Variants in RIF1 observed in about 807,000 individuals in gnomAD.
RIF1 encodes replication timing regulatory factor 1, also known as telomere-associated protein RIF1.
A neutral mutation model predicts 247.1 loss-of-function variants in RIF1; 45 were observed. The ratio of observed to expected loss-of-function variants is 0.18; its 90% CI spans 0.14 to 0.23. The LOEUF is 0.23. RIF1 is among the 10% of genes least tolerant of loss of function. The pLI is 1.00. For missense variants in RIF1, 2,967 were observed against 2,862.5 expected (o/e 1.04, Z -0.83); for synonymous variants, 1,087 against 978.8 (o/e 1.11, Z -2.06).
chr2:151,474,115 GCTGA>G (rs2048790362), intron 35 of RIF1, 43 bp downstream of exon 35: 2 of 904,622 alleles, frequency 2.2e-6, no homozygotes, highest in Admixed American at 2.2e-5. Context: ...TAGAAGATCA[GCTGA>G]CTTTCTTGAA....
chr2:151,440,102 A>C lies in RIF1; in HGVS notation c.1622A>C (p.Glu541Ala). The change falls in exon 15 of 36, where the codon GAA becomes GCA. Residue 541 changes from glutamate (E) to alanine (A), a missense_variant. Glu to Ala is a moderately radical substitution (Grantham distance 107). Coordinates refer to ENST00000444746, the MANE Select transcript of RIF1 (RefSeq NM_018151.5). Reference sequence around the variant, plus strand: ...TCTTTGGAAAGCATAGTAAAGTCTGAAGTATTTCCTGTATCAAAAACGCTG... The same window carrying C: ...TCTTTGGAAAGCATAGTAAAGTCTGCAGTATTTCCTGTATCAAAAACGCTG... Reference protein sequence around the residue: ...LKSLESIVKSEVFPVSKTLVL... With the variant: ...LKSLESIVKSAVFPVSKTLVL... 1 of 1,588,400 alleles carries C rather than the reference A, an allele frequency of 6.3e-7. No homozygotes were observed. Among genetic ancestry groups the C allele is most frequent in the Non-Finnish European group, 8.6e-7 (1 of 1,163,200 alleles).
chr2:151,501,372 A>AGAGCTTTCTCCCAAATACC (rs1157538237), intron 11 of RIF1: 1 of 1,470,406 alleles, frequency 6.8e-7, no homozygotes, highest in African/African-American at 1.4e-5. Flanking sequence ...ATGGAGTTAA[A>AGAGCTTTCTCCCAAATACC]GAGCTTTCTC....
At chr2:151,461,900 GTCTC>G (rs1417412166) in intron 27 of RIF1, among the ~76,000 whole-genome samples, 3 of 152,040 alleles carry the variant, frequency 2.0e-5, no homozygotes, top group Non-Finnish European at 4.4e-5. Context: ...TTGAGACAGA[GTCTC>G]TCTCTGTTAC....
In RIF1 at chr2:151,463,276, C is replaced by G. The variant is rs1241457868; in HGVS notation, c.3756C>G (p.Asn1252Lys). Residue 1252 changes from asparagine (N) to lysine (K), a missense_variant, in exon 30 of 36, where the codon AAC becomes AAG. Physicochemically the swap from Asn to Lys is moderately conservative, Grantham distance 94. This residue lies in a region of RIF1 where 2,028 missense variants were observed against 1,825.6 expected (regional missense o/e 1.11). Transcript: ENST00000444746. ...NISSTVTVKNNQETMIKTDFL... is the reference protein window; with the variant it reads ...NISSTVTVKNKQETMIKTDFL... ...CATCAACTGTTACAGTGAAAAATAA[C>G]CAGGAAACCATGATTAAAACAGATT... 5 of 1,612,518 alleles carry G rather than the reference C, an allele frequency of 3.1e-6. No individual in the cohort carries two copies. Among genetic ancestry groups the G allele is most frequent in the Non-Finnish European group, 4.2e-6 (5 of 1,179,630 alleles).
chr2:151,487,179 A>G (rs891318937), intron 9 of RIF1, among the ~76,000 whole-genome samples: 20 of 152,288 alleles, frequency 1.3e-4, no homozygotes, highest in African/African-American at 4.6e-4. Flanking sequence ...GAAAACCCGT[A>G]GCACTATTGC....
At position 151,475,145 on chromosome 2, in the gene RIF1, A is replaced by C. The variant is rs1413420319; in HGVS notation, c.*74A>C. 2.9e-6 allele frequency: 3 copies of C among 1,027,056 alleles called. No individual in the cohort carries two copies. The highest frequency in any genetic ancestry group is 4.5e-6 in the Non-Finnish European group (3 of 667,434). 63.6% of individuals were successfully genotyped at this position (1,027,056 alleles called of 1,614,324 possible). ...GATTGAGGAAACAAGTTCTGAAATA[A>C]TAGCACAATTTCAAAGAAGAGACTC... On this transcript the variant is annotated 3_prime_UTR_variant, in exon 36 of 36. Transcript: ENST00000444746.
intron 14 of RIF1, 47 bp from the exon 15 acceptor site, chr2:151,439,972 CAAAAAAAA>C (rs1165450117): frequency 1.9e-4 from 52 of 276,616 alleles, no homozygotes; most frequent in Middle Eastern, 1.1e-3. Flanking sequence ...GACCCTGTCT[CAAAAAAAA>C]AAAAAAAAAA....
chr2:151,505,330 G>A (rs1034579544), intron 12 of RIF1: 10 of 692,058 alleles, frequency 1.4e-5, no homozygotes, highest in Admixed American at 7.7e-5. Flanking sequence ...TTTGCAACCT[G>A]TAGTGACCCC....
downstream of RIF1, chr2:151,486,337 AAGAC>A (rs973830674): frequency 6.0e-6 from 1 of 167,636 alleles, no homozygotes; most frequent in Non-Finnish European, 1.3e-5. Flanking sequence ...GATGATAAAA[AAGAC>A]AGACAATAAC....
chr2:151,493,556 A>G, intron 9 of RIF1: 1 of 749,656 alleles, frequency 1.3e-6, no homozygotes, highest in Non-Finnish European at 2.1e-6. Context: ...ATCACACTGA[A>G]GGTAAAGCTA....
At chr2:151,413,141 C>T (rs1686576282) in intron 3 of RIF1, among the ~76,000 whole-genome samples, 1 of 151,794 alleles carries the variant, frequency 6.6e-6, no homozygotes, top group Non-Finnish European at 1.5e-5. Flanking sequence ...GTTCTCCTGC[C>T]TCAGCCTCTC....
intron 25 of RIF1, among the ~76,000 whole-genome samples, chr2:151,459,156 G>A (rs1405327080): frequency 6.6e-6 from 1 of 152,142 alleles, no homozygotes; most frequent in Non-Finnish European, 1.5e-5. Flanking sequence ...TTCACAAAGA[G>A]TAAAATACAT....
In RIF1 at chr2:151,443,722, TCTG is replaced by T. The variant is rs749604888; in HGVS notation, c.1986+16_1986+18del. 8.8e-6 allele frequency: 13 copies of T among 1,478,456 alleles called. No homozygotes were observed. Among genetic ancestry groups the T allele is most frequent in the Non-Finnish European group, 1.1e-5 (12 of 1,113,150 alleles). The allele number at this position is 1,478,456 out of a possible 1,614,324, so 91.6% of individuals were successfully genotyped here. A position where few individuals can be genotyped will look rare whatever the true frequency, so the allele number is the denominator to read the frequency against. On this transcript the variant is annotated intron_variant, in intron 18 of 35. Coordinates refer to ENST00000444746, the MANE Select transcript of RIF1 (RefSeq NM_018151.5). ...ATTGATTAATCAGGTATGAAATAAA[TCTG>T]CTACGTATTTTGGATAATAGACCTT...
intron 6 of RIF1, 122 bp downstream of exon 6, chr2:151,417,023 C>T (rs1427846809): frequency 1.9e-5 from 13 of 671,736 alleles, no homozygotes; most frequent in African/African-American, 1.1e-4. Context: ...TTACACCAAA[C>T]GACTCAAGGA....
Position 151,481,303 on chromosome 2 carries a change from CTTACGTGTT to C in RIF1, c.*6237_*6245del, listed in dbSNP as rs1232773676. 3 of 152,322 alleles carry C rather than the reference CTTACGTGTT, an allele frequency of 2.0e-5. No homozygotes were observed. In the East Asian group the frequency reaches 5.8e-4, roughly 29 times the overall value. The allele number at this position is 152,322 out of a possible 1,614,324, so 9.4% of individuals were successfully genotyped here. On this transcript the variant is annotated 3_prime_UTR_variant, in exon 36 of 36. Coordinates refer to ENST00000444746, the MANE Select transcript of RIF1 (RefSeq NM_018151.5). Reference sequence around the variant, plus strand: ...TCCAGAATGGCTTCTCCTGATTTTACTTACGTGTTTTACTATTGCTCAAATTACAGATAC... The same window carrying C: ...TCCAGAATGGCTTCTCCTGATTTTACTTACTATTGCTCAAATTACAGATAC...
At chr2:151,500,433 A>AT in intron 11 of RIF1, among the ~76,000 whole-genome samples, 1 of 152,152 alleles carries the variant, frequency 6.6e-6, no homozygotes, top group South Asian at 2.1e-4. Context: ...TACACAAATA[A>AT]TTTGTGTGTT....
At chr2:151,461,608 G>A (rs1384790081) in intron 27 of RIF1, among the ~76,000 whole-genome samples, 1 of 151,956 alleles carries the variant, frequency 6.6e-6, no homozygotes, top group Non-Finnish European at 1.5e-5. Flanking sequence ...TAGCCAGGAT[G>A]GTCTTGATCT....
In RIF1 at chr2:151,481,827, C is replaced by T. The variant is rs945978013; in HGVS notation, c.*6756C>T. The T allele has an allele frequency of 3.9e-5, 6 of 152,198 alleles. No individual in the cohort carries two copies. Among genetic ancestry groups the T allele is most frequent in the African/African-American group, 1.4e-4 (6 of 41,446 alleles). The allele number at this position is 152,198 out of a possible 1,614,324, so 9.4% of individuals were successfully genotyped here. The stretch of plus-strand genomic sequence containing the variant: ...ATGCAAGAGATCTAGGTTGTGCGCT[C>T]ATTATGAGAATCTAATACCCGATGA... On this transcript the variant is annotated 3_prime_UTR_variant, in exon 36 of 36. Transcript: ENST00000444746.
intron 29 of RIF1, 150 bp downstream of exon 29, chr2:151,462,616 A>G: frequency 1.7e-6 from 1 of 587,454 alleles, no homozygotes; most frequent in African/African-American, 1.9e-5. Context: ...ACTCCCATTC[A>G]GATACTAGCA....
Sources: gnomAD v4.1 joint callset for allele counts (sites outside exome capture counted in the v4.1 genomes callset) on GRCh38, gnomAD v4.1.1 for gene constraint, gnomAD v4.1.1 regional missense constraint, MANE v1.5 for transcripts, NCBI Gene and HGNC (gene_info 2026-07-23, HGNC 2026-07-21) for gene names.